Variants in CNTNAP4 observed in about 807,000 individuals in gnomAD.
CNTNAP4 encodes contactin associated protein family member 4.
CNTNAP4 carries 98 observed loss-of-function variants against 148.4 expected under a neutral mutation model. The observed-to-expected ratio is 0.66, with a 90% CI of 0.56 to 0.78. The LOEUF (loss-of-function observed/expected upper bound fraction) is 0.78. Ranked by LOEUF, CNTNAP4 falls within the 30% of genes least tolerant of loss-of-function variation. The probability of loss-of-function intolerance (pLI) is 0.00; values close to 1 mark genes in which losing one functional copy is unlikely to be tolerated. For missense variants in CNTNAP4, 1,935 were observed against 1,565.6 expected (o/e 1.24, Z -3.98); for synonymous variants, 730 against 565.1 (o/e 1.29, Z -4.14).
intron 16 of CNTNAP4, 62 bp downstream of exon 16, chr16:76,521,372 T>G (rs1485669746): frequency 1.4e-6 from 2 of 1,391,406 alleles, no homozygotes; most frequent in African/African-American, 1.5e-5. Context: ...ATCTTTTAAC[T>G]AATTTTTAAA....
chr16:76,519,322 C>T (rs2083371220), intron 15 of CNTNAP4, among the ~76,000 whole-genome samples: 1 of 152,082 alleles, frequency 6.6e-6, no homozygotes, highest in Non-Finnish European at 1.5e-5. Flanking sequence ...GTACAGATAG[C>T]AGCAATTCAA....
chr16:76,525,414 A>G (rs923391993), intron 17 of CNTNAP4, among the ~76,000 whole-genome samples: 4 of 150,486 alleles, frequency 2.7e-5, no homozygotes, highest in Non-Finnish European at 5.9e-5. Flanking sequence ...AAATCTGTCT[A>G]TCCATCTATC....
intron 4 of CNTNAP4, among the ~76,000 whole-genome samples, chr16:76,446,254 G>C (rs2080240007): frequency 6.6e-6 from 1 of 152,122 alleles, no homozygotes; most frequent in Admixed American, 6.6e-5. Context: ...CATCAAACAA[G>C]ATGAGTAAAC....
intron 13 of CNTNAP4, among the ~76,000 whole-genome samples, chr16:76,493,160 T>A (rs2082284454): frequency 6.6e-6 from 1 of 152,084 alleles, no homozygotes; most frequent in Non-Finnish European, 1.5e-5. Flanking sequence ...GATTCTGAGG[T>A]CACAATAAGA....
intron 2 of CNTNAP4, among the ~76,000 whole-genome samples, chr16:76,333,779 G>GTTTTTTTTTTT (rs549878036): frequency 8.8e-5 from 4 of 45,604 alleles, no homozygotes; most frequent in East Asian, 6.7e-4. Flanking sequence ...TGGGTTATAG[G>GTTTTTTTTTTT]TTTTTTTTTT....
At chr16:76,476,540 A>G (rs558307764) in intron 11 of CNTNAP4, among the ~76,000 whole-genome samples, 1 of 152,354 alleles carries the variant, frequency 6.6e-6, no homozygotes, top group East Asian at 1.9e-4. Flanking sequence ...ACATAATGCC[A>G]TAGCCTAGGT....
At chr16:76,447,513 G>C (rs539778048) in intron 4 of CNTNAP4, among the ~76,000 whole-genome samples, 5 of 152,104 alleles carry the variant, frequency 3.3e-5, no homozygotes, top group Admixed American at 1.3e-4. Context: ...CTATTGACTG[G>C]TCAGAAGCTG....
At chr16:76,333,598 C>T (rs1429550865) in intron 2 of CNTNAP4, among the ~76,000 whole-genome samples, 1 of 152,132 alleles carries the variant, frequency 6.6e-6, no homozygotes, top group East Asian at 1.9e-4. Context: ...ATTGCTTCCT[C>T]AGGGGCAGTT....
intron 15 of CNTNAP4, among the ~76,000 whole-genome samples, chr16:76,507,002 G>A (rs1371016542): frequency 3.1e-5 from 3 of 97,180 alleles, no homozygotes; most frequent in African/African-American, 7.7e-5. Context: ...AAATGGACTG[G>A]AGATAGTATT....
chr16:76,416,807 T>A (rs1341325595), intron 3 of CNTNAP4, among the ~76,000 whole-genome samples: 2 of 151,392 alleles, frequency 1.3e-5, no homozygotes, highest in Admixed American at 6.6e-5. Context: ...CCTTGATACA[T>A]CAATTATTCC....
chr16:76,526,204 A>G (rs2083724219), intron 17 of CNTNAP4, among the ~76,000 whole-genome samples: 1 of 152,108 alleles, frequency 6.6e-6, no homozygotes, highest in Non-Finnish European at 1.5e-5. Flanking sequence ...CCCTGTGAAC[A>G]TCTGAAGGAA....
chr16:76,516,332 C>T (rs78918717), intron 15 of CNTNAP4, among the ~76,000 whole-genome samples: 14 of 150,840 alleles, frequency 9.3e-5, no homozygotes, highest in Non-Finnish European at 1.8e-4. Context: ...TTTCTTCACC[C>T]AGTCTATCAT....
At chr16:76,412,487 A>G (rs975418685) in intron 3 of CNTNAP4, among the ~76,000 whole-genome samples, 4 of 151,406 alleles carry the variant, frequency 2.6e-5, no homozygotes, top group African/African-American at 9.7e-5. Context: ...TTAAAATTCC[A>G]TTTGTTCCAC....
chr16:76,470,479 A>AATTATATATATATATATAT (rs575618395), intron 10 of CNTNAP4, among the ~76,000 whole-genome samples: 3 of 45,384 alleles, frequency 6.6e-5, no homozygotes, highest in African/African-American at 1.8e-4. Flanking sequence ...CGTCTCTACT[A>AATTATATATATATATATAT]ATAATATATA....
At chr16:76,378,555 G>C (rs1413696115) in intron 3 of CNTNAP4, among the ~76,000 whole-genome samples, 1 of 152,218 alleles carries the variant, frequency 6.6e-6, no homozygotes, top group Non-Finnish European at 1.5e-5. Flanking sequence ...TGACATGGAA[G>C]TTCTGGGTTT....
chr16:76,366,883 T>C (rs560937416), intron 3 of CNTNAP4, among the ~76,000 whole-genome samples: 2 of 152,308 alleles, frequency 1.3e-5, no homozygotes, highest in East Asian at 3.9e-4. Context: ...AGGATGTATC[T>C]GCTTTTGAGT....
In CNTNAP4 at chr16:76,506,977, C is replaced by T. The variant is rs533899456; in HGVS notation, c.2365+8283C>T. 2.1e-5 allele frequency among the ~76,000 whole-genome samples: 2 copies of T among 97,320 alleles called. 1 individual carries two copies. Among genetic ancestry groups the T allele is most frequent in the African/African-American group, 5.1e-5 (2 of 38,986 alleles). The allele number at this position is 97,320 out of a possible 152,430, so 63.8% of individuals were successfully genotyped here. On this transcript the variant is annotated intron_variant, in intron 15 of 23. Transcript: ENST00000611870. Reference sequence around the variant, plus strand: ...GACAGAGTAATTTATGTCTGTTGGACATAATAGTAATAAAAAATGGACTGG... The same window carrying T: ...GACAGAGTAATTTATGTCTGTTGGATATAATAGTAATAAAAAATGGACTGG...
chr16:76,553,215 C>T, intron 21 of CNTNAP4, 68 bp from the exon 22 acceptor site: 1 of 919,500 alleles, frequency 1.1e-6, no homozygotes, highest in Non-Finnish European at 1.7e-6. Flanking sequence ...TCAGAATCCT[C>T]AATTTCTGCA....
chr16:76,463,665 T>C (rs898215494), intron 9 of CNTNAP4, among the ~76,000 whole-genome samples: 11 of 151,936 alleles, frequency 7.2e-5, no homozygotes, highest in African/African-American at 2.7e-4. Context: ...ATATACACAT[T>C]TTAAAGATAA....
Sources: allele counts gnomAD v4.1 joint callset (sites outside exome capture counted in the v4.1 genomes callset), GRCh38; gene constraint gnomAD v4.1.1; transcripts MANE v1.5; gene names NCBI Gene and HGNC (gene_info 2026-07-23, HGNC 2026-07-21).